PIWIL1: variants seen among roughly 807,000 people sequenced by gnomAD.
PIWIL1 encodes the protein piwi like RNA-mediated gene silencing 1, also known as piwi-like protein 1.
In PIWIL1, 73 loss-of-function variants were observed where a neutral mutation model predicts 114.4. The observed-to-expected ratio is 0.64, with a 90% CI of 0.53 to 0.78. PIWIL1 has a LOEUF of 0.78. Among genes scored for constraint, PIWIL1 ranks in the 30% least tolerant of loss-of-function variants. The probability of loss-of-function intolerance (pLI) is 0.00; values close to 1 mark genes in which losing one functional copy is unlikely to be tolerated. For synonymous variants in PIWIL1, 375 were observed against 369.0 expected, an observed-to-expected ratio of 1.02 and a Z score of -0.19; for missense variants, 723 against 1,063.1, an observed-to-expected ratio of 0.68 and a Z score of 4.45.
At chr12:130,416,921 A>T in the PIWIL1 span, among the ~76,000 whole-genome samples, 1 of 152,142 alleles carries the variant, frequency 6.6e-6, no homozygotes, top group African/African-American at 2.4e-5. Context: ...TTCTCAAAAG[A>T]TCACATACAA....
the PIWIL1 span, chr12:130,424,076 A>C: frequency 1.1e-6 from 1 of 878,878 alleles, no homozygotes; most frequent in East Asian, 3.3e-5. This position sits in a 1 kb window ranked among gnomAD's most constrained non-coding sequence, Gnocchi z 9.8. Flanking sequence ...CAAACAGAAA[A>C]CCAGTGAAAG....
At position 130,342,685 on chromosome 12, in the gene PIWIL1, T is replaced by A. The variant is rs1199813686; in HGVS notation, c.78+16T>A. On this transcript the variant is annotated intron_variant, in intron 2 of 20. Coordinates refer to ENST00000245255, the MANE Select transcript of PIWIL1 (RefSeq NM_004764.5). ...CTCCACTGCCGTGAGTGCTTCACCG[T>A]TTCTGACTACAGAAAATGTCTTTGA... is the stretch of plus-strand genomic sequence containing the variant. 6.3e-7 allele frequency: 1 copy of A among 1,589,906 alleles called. No homozygotes were observed. Among genetic ancestry groups the A allele is most frequent in the South Asian group, 1.1e-5 (1 of 90,136 alleles).
the PIWIL1 span, among the ~76,000 whole-genome samples, chr12:130,385,832 TCTC>T: frequency 1.3e-5 from 2 of 152,162 alleles, no homozygotes; most frequent in African/African-American, 4.8e-5. Context: ...AAATGTTACT[TCTC>T]CTCCCTTCCC....
the PIWIL1 span, chr12:130,406,223 T>C: frequency 1.0e-5 from 16 of 1,604,108 alleles, no homozygotes; most frequent in African/African-American, 2.7e-5. Flanking sequence ...TAATATCTCC[T>C]GTGCAAAATG....
At position 130,372,529 on chromosome 12, in the gene PIWIL1, C is replaced by A. The variant is rs759371566; in HGVS notation, c.*931C>A. The A allele has an allele frequency of 1.3e-4, 17 of 133,126 alleles. No individual in the cohort carries two copies. The highest frequency in any genetic ancestry group is 4.9e-4 in the African/African-American group (17 of 34,718). 8.2% of individuals were successfully genotyped at this position (133,126 alleles called of 1,614,324 possible). On this transcript the variant is annotated 3_prime_UTR_variant, in exon 21 of 21. Coordinates refer to ENST00000245255, the MANE Select transcript of PIWIL1 (RefSeq NM_004764.5). ...AGGAGAATCACTTGAACCTGAGAGG[C>A]GGAGGTTGCAGTGAGCAGAGATCAC...
chr12:130,413,788 C>T, the PIWIL1 span, among the ~76,000 whole-genome samples: 5 of 152,164 alleles, frequency 3.3e-5, no homozygotes, highest in Admixed American at 6.5e-5. Context: ...TCCCTCCTTC[C>T]TCTCTTCCCT....
At chr12:130,399,319 G>GACT in the PIWIL1 span, among the ~76,000 whole-genome samples, 1 of 152,104 alleles carries the variant, frequency 6.6e-6, no homozygotes, top group Non-Finnish European at 1.5e-5. Flanking sequence ...CTTGTGAAGA[G>GACT]ACTAAAGTCC....
In PIWIL1 at chr12:130,345,764, T is replaced by A; in HGVS notation, c.202T>A (p.Ser68Thr). 1.2e-6 allele frequency: 2 copies of A among 1,613,924 alleles called. No individual in the cohort carries two copies. Among genetic ancestry groups the A allele is most frequent in the Non-Finnish European group, 1.7e-6 (2 of 1,179,880 alleles). Residue 68 changes from serine to threonine, a missense_variant, in exon 4 of 21, where the codon TCT (serine) becomes ACT (threonine). Around this residue, in one of 8 missense-constraint regions of PIWIL1, gnomAD observed 190 missense variants for 294.4 expected, o/e 0.65. Coordinates refer to ENST00000245255, the MANE Select transcript of PIWIL1 (RefSeq NM_004764.5). ...AATTTTTTTTTAAGGACTCCAGATA[T>A]CTGCTGGATTTCAGGAGTTATCGTT... is the stretch of plus-strand genomic sequence containing the variant. Reference protein sequence around the residue: ...GTAKSQGLQISAGFQELSLAE... With the variant: ...GTAKSQGLQITAGFQELSLAE...
chr12:130,399,216 T>C, the PIWIL1 span: 2,087 of 1,029,210 alleles, frequency 2.0e-3, 5 homozygotes, highest in Non-Finnish European at 2.5e-3. Flanking sequence ...AAATATAATA[T>C]AGAAAAACTT....
At chr12:130,363,612 CTTT>C (rs34198016) in intron 18 of PIWIL1, among the ~76,000 whole-genome samples, 80 of 82,426 alleles carry the variant, frequency 9.7e-4, no homozygotes, top group African/African-American at 3.7e-3. Context: ...TACTTTCTCC[CTTT>C]TTTTTTTTTT....
the PIWIL1 span, among the ~76,000 whole-genome samples, chr12:130,408,716 C>T: frequency 3.9e-5 from 6 of 152,174 alleles, no homozygotes; most frequent in East Asian, 1.9e-4. Context: ...TTCCTCCTGG[C>T]GAAAGTTGGC....
chr12:130,388,463 G>A, the PIWIL1 span, among the ~76,000 whole-genome samples: 2 of 152,064 alleles, frequency 1.3e-5, no homozygotes, highest in African/African-American at 4.8e-5. Context: ...ATTCCAAATG[G>A]ATTTTAGAAT....
At chr12:130,380,840 T>A in the PIWIL1 span, among the ~76,000 whole-genome samples, 1 of 152,220 alleles carries the variant, frequency 6.6e-6, no homozygotes, top group African/African-American at 2.4e-5. Flanking sequence ...GTTGTTGGGG[T>A]GTCTGGCACC....
chr12:130,349,264 A>G lies in PIWIL1; in HGVS notation c.760A>G (p.Thr254Ala). ...HRLVIWPGFT[T>A]SILQYENSIM... ...GTTGGTGATTTGGCCTGGCTTCACTACTTCCATCCTTCAGTATGAAAACAG... is the reference window on the plus strand; with the variant it reads ...GTTGGTGATTTGGCCTGGCTTCACTGCTTCCATCCTTCAGTATGAAAACAG... The change falls in exon 8 of 21, where the codon ACT (threonine) becomes GCT (alanine). Residue 254 changes from threonine to alanine, a missense_variant. Coordinates refer to ENST00000245255, the MANE Select transcript of PIWIL1 (RefSeq NM_004764.5). 6.2e-7 allele frequency: 1 copy of G among 1,613,454 alleles called. No homozygotes were observed. The highest frequency in any genetic ancestry group is 8.5e-7 in the Non-Finnish European group (1 of 1,179,414).
chr12:130,342,372 G>A (rs531982592), intron 1 of PIWIL1: 2 of 568,930 alleles, frequency 3.5e-6, no homozygotes, highest in South Asian at 5.3e-5. Context: ...TGGCCCTACT[G>A]CAGTGCCCAG....
chr12:130,420,034 G>A, the PIWIL1 span, among the ~76,000 whole-genome samples: 1 of 152,158 alleles, frequency 6.6e-6, no homozygotes, highest in Non-Finnish European at 1.5e-5. The surrounding 1 kb of genome is among the most constrained non-coding windows in gnomAD (Gnocchi z 4.3). Flanking sequence ...CTCTGAAAAA[G>A]ATAAGTAATC....
At chr12:130,410,147 G>A in the PIWIL1 span, among the ~76,000 whole-genome samples, 264 of 152,338 alleles carry the variant, frequency 1.7e-3, 2 homozygotes, top group African/African-American at 5.9e-3. Context: ...TGATGTTAAA[G>A]ATCTTTTCAT....
chr12:130,354,091 T>C (rs972259388), intron 9 of PIWIL1, among the ~76,000 whole-genome samples: 5 of 152,348 alleles, frequency 3.3e-5, no homozygotes, highest in South Asian at 2.1e-4. Context: ...ACCTGCCCTG[T>C]AGCGTAGGAA....
At position 130,338,031 on chromosome 12, in the gene PIWIL1, C is replaced by G. The variant is rs2072756998; in HGVS notation, c.-128C>G. On this transcript the variant is annotated 5_prime_UTR_variant, in exon 1 of 21. Transcript: ENST00000245255. Reference sequence around the variant, plus strand: ...GCGCCGAAGGCGAGGTGGGCGCGGGCCGAAGGAGGTCCTGGGAGGTCGGCG... The same window carrying G: ...GCGCCGAAGGCGAGGTGGGCGCGGGGCGAAGGAGGTCCTGGGAGGTCGGCG... 1 of 180,756 alleles carries G rather than the reference C, an allele frequency of 5.5e-6. No homozygotes were observed. Among genetic ancestry groups the G allele is most frequent in the Admixed American group, 6.4e-5 (1 of 15,680 alleles). 11.2% of individuals were successfully genotyped at this position (180,756 alleles called of 1,614,324 possible). A position where few individuals can be genotyped will look rare whatever the true frequency, so the allele number is the denominator to read the frequency against.
Sources: allele counts gnomAD v4.1 joint callset (sites outside exome capture counted in the v4.1 genomes callset), GRCh38; gene constraint gnomAD v4.1.1; regional missense constraint gnomAD v4.1.1; non-coding constraint Gnocchi (gnomAD v3.1); transcripts MANE v1.5; gene names NCBI Gene and HGNC (gene_info 2026-07-23, HGNC 2026-07-21).